CNBD1: variants seen among roughly 807,000 people sequenced by gnomAD.
The protein encoded by CNBD1 is cyclic nucleotide-binding domain-containing protein 1.
CNBD1 carries 71 observed loss-of-function variants against 54.4 expected under a neutral mutation model. The ratio of observed to expected loss-of-function variants is 1.30; its 90% confidence interval spans 1.08 to 1.59. The LOEUF is 1.59. Ranked by LOEUF, CNBD1 falls within the 40% of genes most tolerant of loss-of-function variation. The pLI is 0.00. For missense variants in CNBD1, 659 were observed against 518.0 expected, an observed-to-expected ratio of 1.27 and a Z score of -2.64; for synonymous variants, 182 against 170.7, an observed-to-expected ratio of 1.07 and a Z score of -0.51.
rs1808388518 is a variant in CNBD1 at position 87,272,484 on chromosome 8, C to A, written c.772-12194C>A. 1.3e-5 allele frequency among the ~76,000 whole-genome samples: 2 copies of A among 151,842 alleles called. 1 individual carries two copies. Among genetic ancestry groups the A allele is most frequent in the South Asian group, 4.1e-4 (2 of 4,826 alleles). ...CTTCTTTATAAGACTATATTAAATT[C>A]AGAGTAAATGAAAATGTGAGCAATT... On this transcript the variant is annotated intron_variant, in intron 6 of 10. Coordinates refer to ENST00000518476, the MANE Select transcript of CNBD1 (RefSeq NM_173538.3).
rs1812967960 is a variant in CNBD1, at chr8:87,166,602, C to G, written c.432-39391C>G. 6.6e-6 allele frequency among the ~76,000 whole-genome samples: 1 copy of G among 151,906 alleles called. No homozygotes were observed. Among genetic ancestry groups the G allele is most frequent in the Non-Finnish European group, 1.5e-5 (1 of 67,904 alleles). On this transcript the variant is annotated intron_variant, in intron 4 of 10. Coordinates refer to ENST00000518476, the MANE Select transcript of CNBD1 (RefSeq NM_173538.3). This position sits in a 1 kb window ranked among gnomAD's most constrained non-coding sequence, Gnocchi z 4.3. ...TCAGTTTCTCAATGTTCATTATTTC[C>G]AAAGTCCAGCCCTTCTCACAGTTCT...
chr8:87,138,435 A>G (rs1241578309), intron 4 of CNBD1, among the ~76,000 whole-genome samples: 6 of 152,186 alleles, frequency 3.9e-5, no homozygotes. Flanking sequence ...ACCGAAAAGA[A>G]ACAAGGCAAA....
At chr8:87,380,786 G>A (rs904263790) in intron 10 of CNBD1, among the ~76,000 whole-genome samples, 8 of 151,794 alleles carry the variant, frequency 5.3e-5, no homozygotes, top group South Asian at 4.2e-4. Context: ...GTTGTAAATG[G>A]GGTTGTTTTA....
chr8:87,116,193 G>C (rs1015437201), intron 4 of CNBD1, among the ~76,000 whole-genome samples: 2 of 115,906 alleles, frequency 1.7e-5, no homozygotes, highest in Non-Finnish European at 3.5e-5. Flanking sequence ...CTATTCTCAT[G>C]TCTTTTTTTT....
intron 4 of CNBD1, among the ~76,000 whole-genome samples, chr8:87,096,518 TGAA>T (rs1161155774): frequency 2.0e-5 from 3 of 152,232 alleles, no homozygotes; most frequent in African/African-American, 7.2e-5. Context: ...AGTGGGGAAT[TGAA>T]GAATTTTTAA....
At chr8:87,267,597 G>T (rs547140194) in intron 6 of CNBD1, among the ~76,000 whole-genome samples, 131 of 152,200 alleles carry the variant, frequency 8.6e-4, no homozygotes, top group African/African-American at 3.1e-3. Flanking sequence ...TATCACAATT[G>T]CTTCATAGCT....
rs183316249 is a variant in CNBD1, at chr8:86,895,038, A to G, written c.158+7427A>G. Among the ~76,000 whole-genome samples, 110 of 152,252 alleles carry G rather than the reference A, an allele frequency of 7.2e-4. No individual in the cohort carries two copies. In the East Asian group the frequency reaches 0.012, roughly 17 times the overall value. ...CAAGGACTAGACTTGCTTTATATCAATCTCATGATAATTAACCTTCTAATG... is the reference window on the plus strand; with the variant it reads ...CAAGGACTAGACTTGCTTTATATCAGTCTCATGATAATTAACCTTCTAATG... On this transcript the variant is annotated intron_variant, in intron 2 of 10. Coordinates refer to ENST00000518476, the MANE Select transcript of CNBD1 (RefSeq NM_173538.3).
chr8:87,015,175 C>T (rs1321969525), intron 4 of CNBD1, among the ~76,000 whole-genome samples: 1 of 152,018 alleles, frequency 6.6e-6, no homozygotes, highest in Non-Finnish European at 1.5e-5. Context: ...CAAATATTGA[C>T]TTTTTGTGGG....
intron 8 of CNBD1, among the ~76,000 whole-genome samples, chr8:87,350,334 A>T (rs560385564): frequency 6.6e-6 from 1 of 152,140 alleles, no homozygotes; most frequent in South Asian, 2.1e-4. Context: ...ATAACCTTTT[A>T]ATTTTTTATT....
intron 6 of CNBD1, among the ~76,000 whole-genome samples, chr8:87,250,695 T>C (rs1181573845): frequency 6.6e-6 from 1 of 152,172 alleles, no homozygotes; most frequent in African/African-American, 2.4e-5. Context: ...CTGGAGGACA[T>C]TATATCAAGT....
chr8:87,397,659 C>T (rs1811433596), intron 2 of CNBD1, among the ~76,000 whole-genome samples: 1 of 151,848 alleles, frequency 6.6e-6, no homozygotes, highest in Non-Finnish European at 1.5e-5. Flanking sequence ...CACATATATG[C>T]AATTGTGGTC....
chr8:87,279,828 A>T (rs976913230), intron 6 of CNBD1, among the ~76,000 whole-genome samples: 4 of 151,340 alleles, frequency 2.6e-5, no homozygotes, highest in African/African-American at 4.8e-5. Flanking sequence ...GGATTGAAAA[A>T]TAATATATTT....
At chr8:87,364,722 C>A (rs1810605758) in intron 10 of CNBD1, among the ~76,000 whole-genome samples, 1 of 151,980 alleles carries the variant, frequency 6.6e-6, no homozygotes, top group Admixed American at 6.6e-5. Context: ...TTAGCTCCCA[C>A]TTACAAGGAA....
At chr8:87,063,683 C>A (rs1810589435) in intron 4 of CNBD1, among the ~76,000 whole-genome samples, 1 of 151,888 alleles carries the variant, frequency 6.6e-6, no homozygotes. Context: ...GTTCTATTAT[C>A]TATATATTTA....
chr8:87,065,468 T>A (rs1049757126), intron 4 of CNBD1, among the ~76,000 whole-genome samples: 1 of 152,002 alleles, frequency 6.6e-6, no homozygotes, highest in Non-Finnish European at 1.5e-5. Context: ...AAGGAATTGA[T>A]ATTATCTAAT....
chr8:87,327,701 C>G (rs963457737), intron 8 of CNBD1, among the ~76,000 whole-genome samples: 8 of 152,154 alleles, frequency 5.3e-5, no homozygotes, highest in Non-Finnish European at 1.0e-4. Context: ...CGCCCACTGT[C>G]TGGCACTTCC....
At chr8:86,901,004 G>C (rs1030468212) in intron 2 of CNBD1, among the ~76,000 whole-genome samples, 1 of 152,098 alleles carries the variant, frequency 6.6e-6, no homozygotes, top group African/African-American at 2.4e-5. Flanking sequence ...AATGAGCTTT[G>C]TCCATGAATA....
At chr8:87,421,303 T>C (rs998282005) in intron 2 of CNBD1, among the ~76,000 whole-genome samples, 2 of 152,026 alleles carry the variant, frequency 1.3e-5, no homozygotes, top group Non-Finnish European at 2.9e-5. Context: ...CTTTAAGTTT[T>C]AGGGTACATG....
At position 87,043,733 on chromosome 8, in the gene CNBD1, C is replaced by A. The variant is rs1396639938; in HGVS notation, c.431+103979C>A. ...CCCAGATAACCCAGTTGTTTGCATT[C>A]TTCCTTACTCTCTGCCAGTCCCCGG... is the stretch of plus-strand genomic sequence containing the variant. On this transcript the variant is annotated intron_variant, in intron 4 of 10. Coordinates refer to ENST00000518476, the MANE Select transcript of CNBD1 (RefSeq NM_173538.3). Among the ~76,000 whole-genome samples the A allele has an allele frequency of 2.6e-5, 4 of 152,226 alleles. No homozygotes were observed. The East Asian group carries it at 5.8e-4, about 22-fold the overall frequency.
Sources: gnomAD v4.1 joint callset for allele counts (sites outside exome capture counted in the v4.1 genomes callset) on GRCh38, gnomAD v4.1.1 for gene constraint, Gnocchi (gnomAD v3.1) non-coding constraint, MANE v1.5 for transcripts, NCBI Gene and HGNC (gene_info 2026-07-23, HGNC 2026-07-21) for gene names.